GALNTL6: variants seen among roughly 807,000 people sequenced by gnomAD.
GALNTL6 encodes polypeptide N-acetylgalactosaminyltransferase like 6.
In GALNTL6, 46 loss-of-function variants were observed where a neutral mutation model predicts 73.7. The observed-to-expected ratio is 0.62, with a 90% CI of 0.49 to 0.80. The LOEUF (loss-of-function observed/expected upper bound fraction) is 0.80, where lower values mean the gene tolerates loss of function less well. Ranked by LOEUF, GALNTL6 falls within the 30% of genes least tolerant of loss-of-function variation. The pLI is 0.00. For synonymous variants in GALNTL6, 259 were observed against 263.7 expected (o/e 0.98, Z 0.17); for missense variants, 604 against 755.0 (o/e 0.80, Z 2.34).
Position 172,887,816 on chromosome 4 carries a change from G to C in GALNTL6, c.1041+4909G>C, listed in dbSNP as rs572643780. On this transcript the variant is annotated intron_variant, in intron 8 of 12. Transcript: ENST00000506823. ...TGACCACAGGTGATCTGCCTGCCTC[G>C]GCCTCCCAAAGTGCTAGGATTGTAG... 7.2e-4 allele frequency among the ~76,000 whole-genome samples: 110 copies of C among 152,052 alleles called. 1 individual carries two copies. Among genetic ancestry groups the C allele is most frequent in the African/African-American group, 2.6e-3 (108 of 41,482 alleles).
At chr4:172,963,687 C>T (rs1465611723) in intron 10 of GALNTL6, among the ~76,000 whole-genome samples, 1 of 152,198 alleles carries the variant, frequency 6.6e-6, no homozygotes, top group African/African-American at 2.4e-5. Context: ...ACAGTCACTC[C>T]CTCCATGGCC....
At chr4:171,943,904 G>T (rs1048479321) in intron 2 of GALNTL6, among the ~76,000 whole-genome samples, 37 of 109,878 alleles carry the variant, frequency 3.4e-4, no homozygotes, top group Non-Finnish European at 6.3e-4. Context: ...AGAATGCAAA[G>T]GTGGTATAAT....
intron 12 of GALNTL6, among the ~76,000 whole-genome samples, chr4:173,026,507 T>G (rs1753240444): frequency 6.6e-6 from 1 of 152,206 alleles, no homozygotes; most frequent in Non-Finnish European, 1.5e-5. Flanking sequence ...TGCACTGAAA[T>G]GGAAAGGCCT....
chr4:172,416,384 A>G (rs1730835305), intron 5 of GALNTL6, among the ~76,000 whole-genome samples: 1 of 152,208 alleles, frequency 6.6e-6, no homozygotes. Flanking sequence ...TCCTTGTCAT[A>G]TGTGATACCA....
rs558171414 is a variant in GALNTL6 at position 171,909,950 on chromosome 4, G to T, written c.138+95232G>T. Among the ~76,000 whole-genome samples, 4 of 152,104 alleles carry T rather than the reference G, an allele frequency of 2.6e-5. No homozygotes were observed. In the East Asian group the frequency reaches 7.7e-4, roughly 29 times the overall value. On this transcript the variant is annotated intron_variant, in intron 2 of 12. Transcript: ENST00000506823. ...ATTTGGATATGATTTTGAAATACTG[G>T]CAATGGCTTTGATTTTTGGAATATG...
chr4:172,863,067 G>A (rs1347320448), intron 7 of GALNTL6, among the ~76,000 whole-genome samples: 1 of 152,252 alleles, frequency 6.6e-6, no homozygotes, highest in Admixed American at 6.5e-5. Context: ...GTGCACAGAA[G>A]TCAAGAACTC....
At chr4:172,563,341 G>A (rs147890015) in intron 5 of GALNTL6, among the ~76,000 whole-genome samples, 1,562 of 139,298 alleles carry the variant, frequency 0.011, 20 homozygotes, top group Middle Eastern at 0.04. Context: ...ACGATATGAG[G>A]AGCCCAAAAT....
chr4:172,874,779 T>C (rs544485281), intron 7 of GALNTL6, among the ~76,000 whole-genome samples: 1 of 152,216 alleles, frequency 6.6e-6, no homozygotes, highest in South Asian at 2.1e-4. Flanking sequence ...GACTGCATGG[T>C]GGCCCCTGTG....
Position 172,871,597 on chromosome 4 carries a change from TG to T in GALNTL6, c.924-11192del, listed in dbSNP as rs1486567291. Among the ~76,000 whole-genome samples, 4 of 141,876 alleles carry T rather than the reference TG, an allele frequency of 2.8e-5. No individual in the cohort carries two copies. In the East Asian group the frequency reaches 8.2e-4, roughly 29 times the overall value. The allele number at this position is 141,876 out of a possible 152,430, so 93.1% of individuals were successfully genotyped here. A position where few individuals can be genotyped will look rare whatever the true frequency, so the allele number is the denominator to read the frequency against. On this transcript the variant is annotated intron_variant, in intron 7 of 12. Transcript: ENST00000506823. ...CTATAGTCTCTGACTCTGGGGGGGG[TG>T]TGTGTGTGTGAGAGTGTGTGTGTGT...
chr4:172,373,683 T>C (rs1742910677), intron 5 of GALNTL6, among the ~76,000 whole-genome samples: 1 of 152,186 alleles, frequency 6.6e-6, no homozygotes, highest in Non-Finnish European at 1.5e-5. Flanking sequence ...TTGTCCCCTA[T>C]ATTCATGTAG....
At chr4:172,430,680 C>T (rs968805325) in intron 5 of GALNTL6, among the ~76,000 whole-genome samples, 1 of 152,006 alleles carries the variant, frequency 6.6e-6, no homozygotes, top group African/African-American at 2.4e-5. Context: ...TGGTACACTC[C>T]TATAGTACCA....
chr4:172,956,916 TG>T (rs1023352456), intron 10 of GALNTL6, among the ~76,000 whole-genome samples: 3 of 152,128 alleles, frequency 2.0e-5, no homozygotes, highest in African/African-American at 7.2e-5. Flanking sequence ...TTGGGTGATT[TG>T]ACTAGTAAAG....
intron 3 of GALNTL6, among the ~76,000 whole-genome samples, chr4:172,249,836 A>T (rs6833831): frequency 0.13 from 19,204 of 152,218 alleles, 1,309 homozygotes; most frequent in East Asian, 0.3. Flanking sequence ...AAACACCTGG[A>T]CATCCAGGCA....
intron 2 of GALNTL6, among the ~76,000 whole-genome samples, chr4:171,918,116 G>A (rs1051811628): frequency 1.3e-5 from 2 of 152,040 alleles, no homozygotes; most frequent in Non-Finnish European, 2.9e-5. Flanking sequence ...TCGTTTTGTT[G>A]TGCTGATTTC....
intron 2 of GALNTL6, among the ~76,000 whole-genome samples, chr4:171,881,092 T>A (rs1406034281): frequency 1.3e-5 from 2 of 152,096 alleles, no homozygotes; most frequent in Admixed American, 6.6e-5. Flanking sequence ...TCTATCCCTT[T>A]TCAGTTTCAT....
rs1456082707 is a variant in GALNTL6 at position 171,926,130 on chromosome 4, CCCT to C, written c.138+111417_138+111419del. ...ATTACATTTATCTCAACCTTCTCAT[CCCT>C]CCTCAATTCCTCAATTAAATTATAT... is the stretch of plus-strand genomic sequence containing the variant. On this transcript the variant is annotated intron_variant, in intron 2 of 12. Transcript: ENST00000506823. 2.6e-5 allele frequency among the ~76,000 whole-genome samples: 4 copies of C among 151,928 alleles called. No individual in the cohort carries two copies. The South Asian group carries it at 8.3e-4, about 32-fold the overall frequency.
Position 172,375,371 on chromosome 4 carries a change from G to C in GALNTL6, c.553+26682G>C, listed in dbSNP as rs189699131. 6.4e-3 allele frequency among the ~76,000 whole-genome samples: 979 copies of C among 152,264 alleles called. 6 individuals carry two copies. The highest frequency in any genetic ancestry group is 8.0e-3 in the Non-Finnish European group (546 of 68,024). ...CAAGCCATAGTGCAGAAAAAAATGAGCCGCCTCTTTCTCAGGGTTTGTGGG... is the reference window on the plus strand; with the variant it reads ...CAAGCCATAGTGCAGAAAAAAATGACCCGCCTCTTTCTCAGGGTTTGTGGG... On this transcript the variant is annotated intron_variant, in intron 5 of 12. Transcript: ENST00000506823.
At chr4:172,076,673 A>C (rs1171638935) in intron 2 of GALNTL6, among the ~76,000 whole-genome samples, 1 of 152,206 alleles carries the variant, frequency 6.6e-6, no homozygotes, top group Non-Finnish European at 1.5e-5. Flanking sequence ...TTTCATATTC[A>C]TATATTTTCC....
intron 2 of GALNTL6, among the ~76,000 whole-genome samples, chr4:172,201,648 T>C (rs984269199): frequency 3.9e-5 from 6 of 152,178 alleles, no homozygotes; most frequent in African/African-American, 1.4e-4. Flanking sequence ...ATTTTTGTAG[T>C]ACTTCCCTAG....
Sources: gnomAD v4.1 joint callset for allele counts (sites outside exome capture counted in the v4.1 genomes callset) on GRCh38, gnomAD v4.1.1 for gene constraint, MANE v1.5 for transcripts, NCBI Gene and HGNC (gene_info 2026-07-23, HGNC 2026-07-21) for gene names.